The following KCNJ6 variants were observed in gnomAD, a reference collection of about 807,000 sequenced individuals.
KCNJ6 encodes the protein G protein-activated inward rectifier potassium channel 2.
In KCNJ6, 9 loss-of-function variants were observed where a neutral mutation model predicts 34.2. The observed-to-expected ratio is 0.26, with a 90% CI of 0.16 to 0.46. The LOEUF is 0.46. Ranked by LOEUF, KCNJ6 falls within the 20% of genes least tolerant of loss-of-function variation. The probability of loss-of-function intolerance (pLI) is 1.00; values close to 1 mark genes in which losing one functional copy is unlikely to be tolerated. For synonymous variants in KCNJ6, 196 were observed against 207.1 expected, an observed-to-expected ratio of 0.95 and a Z score of 0.46; for missense variants, 236 against 531.3, an observed-to-expected ratio of 0.44 and a Z score of 5.46.
chr21:37,702,145 A>G (rs1399044221), intron 3 of KCNJ6, among the ~76,000 whole-genome samples: 1 of 149,170 alleles, frequency 6.7e-6, no homozygotes, highest in East Asian at 2.0e-4. Flanking sequence ...AGGCAGGAGA[A>G]TCGCTTGAAC....
chr21:37,745,334 C>CT (rs1166265271), intron 2 of KCNJ6, among the ~76,000 whole-genome samples: 1 of 152,114 alleles, frequency 6.6e-6, no homozygotes, highest in African/African-American at 2.4e-5. Context: ...GTTGCCCAGG[C>CT]TGGTCTCAGA....
intron 2 of KCNJ6, among the ~76,000 whole-genome samples, chr21:37,770,731 A>T (rs1335361484): frequency 2.0e-5 from 3 of 152,236 alleles, no homozygotes; most frequent in Non-Finnish European, 2.9e-5. Context: ...GGAAGAAGGT[A>T]GTTACATCAG....
intron 2 of KCNJ6, among the ~76,000 whole-genome samples, chr21:37,807,234 T>C (rs2055297945): frequency 1.3e-5 from 2 of 152,382 alleles, no homozygotes; most frequent in East Asian, 1.9e-4. Context: ...GCAAAAATTA[T>C]TTTCATTAGA....
rs2054661659 is a variant in KCNJ6 at position 37,695,969 on chromosome 21, T to C, written c.946+18242A>G. Among the ~76,000 whole-genome samples, 1 of 152,240 alleles carries C rather than the reference T, an allele frequency of 6.6e-6. No homozygotes were observed. Among genetic ancestry groups the C allele is most frequent in the Admixed American group, 6.5e-5 (1 of 15,288 alleles). On this transcript the variant is annotated intron_variant, in intron 3 of 3. Transcript: ENST00000609713. The surrounding 1 kb of genome is among the most constrained non-coding windows in gnomAD (Gnocchi z 4.2). ...ATCCCACTGGCCAGATCTGGGATAATGTGAGCATCACAAATAATATCAGTA... is the reference window on the plus strand; with the variant it reads ...ATCCCACTGGCCAGATCTGGGATAACGTGAGCATCACAAATAATATCAGTA...
In KCNJ6 at chr21:37,622,002, C is replaced by T. The variant is rs925126314; in HGVS notation, c.*3157G>A. 3.3e-5 allele frequency: 5 copies of T among 152,122 alleles called. No homozygotes were observed. Among genetic ancestry groups the T allele is most frequent in the African/African-American group, 9.7e-5 (4 of 41,410 alleles). 9.4% of individuals were successfully genotyped at this position (152,122 alleles called of 1,614,324 possible). A position where few individuals can be genotyped will look rare whatever the true frequency, so the allele number is the denominator to read the frequency against. ...GTTGGGGTGGGTGGAGGTGAGAATCCGAGGAACTCAGCAGCCTTGTGGTGG... is the reference window on the plus strand; with the variant it reads ...GTTGGGGTGGGTGGAGGTGAGAATCTGAGGAACTCAGCAGCCTTGTGGTGG... On this transcript the variant is annotated 3_prime_UTR_variant, in exon 4 of 4. Coordinates refer to ENST00000609713, the MANE Select transcript of KCNJ6 (RefSeq NM_002240.5).
chr21:37,709,507 C>T (rs576821649), intron 3 of KCNJ6, among the ~76,000 whole-genome samples: 3 of 99,802 alleles, frequency 3.0e-5, no homozygotes, highest in African/African-American at 1.1e-4. Context: ...AGAGCAAAAC[C>T]CTGTCTCAAA....
chr21:37,655,247 G>A (rs1357962587), intron 3 of KCNJ6, among the ~76,000 whole-genome samples: 1,171 of 47,834 alleles, frequency 0.024, 28 homozygotes, highest in African/African-American at 0.092. Flanking sequence ...GAGAGAGAGA[G>A]AGAGAGAGAG....
intron 2 of KCNJ6, among the ~76,000 whole-genome samples, chr21:37,802,621 C>A (rs1164246620): frequency 6.6e-6 from 1 of 152,164 alleles, no homozygotes; most frequent in African/African-American, 2.4e-5. Flanking sequence ...CCAGGAGGAA[C>A]CCATCCAGGC....
intron 3 of KCNJ6, among the ~76,000 whole-genome samples, chr21:37,641,452 T>C (rs1208229872): frequency 6.6e-6 from 1 of 152,070 alleles, no homozygotes; most frequent in Non-Finnish European, 1.5e-5. Flanking sequence ...CTGTGATAAA[T>C]GCAATGAAGT....
intron 3 of KCNJ6, among the ~76,000 whole-genome samples, chr21:37,712,269 T>C (rs2054756895): frequency 6.6e-6 from 1 of 152,088 alleles, no homozygotes; most frequent in South Asian, 2.1e-4. Flanking sequence ...GGGGAATTTA[T>C]GGTGAAAAGG....
At chr21:37,678,302 A>G (rs1184065400) in intron 3 of KCNJ6, among the ~76,000 whole-genome samples, 2 of 152,222 alleles carry the variant, frequency 1.3e-5, no homozygotes, top group Non-Finnish European at 2.9e-5. Flanking sequence ...TTGTAAAAGG[A>G]CTTCAATGAT....
At chr21:37,795,976 AAT>A (rs2055239685) in intron 2 of KCNJ6, among the ~76,000 whole-genome samples, 1 of 152,058 alleles carries the variant, frequency 6.6e-6, no homozygotes, top group South Asian at 2.1e-4. Flanking sequence ...GATGTATTAT[AAT>A]AGAGTCTCAT....
chr21:37,903,723 AAAAAC>A (rs1156734648), intron 1 of KCNJ6, among the ~76,000 whole-genome samples: 1 of 147,478 alleles, frequency 6.8e-6, no homozygotes, highest in Admixed American at 6.8e-5. Flanking sequence ...TCTGGAAATT[AAAAAC>A]AAAACAAAAC....
At chr21:37,862,946 T>C (rs2055602004) in intron 1 of KCNJ6, among the ~76,000 whole-genome samples, 1 of 152,078 alleles carries the variant, frequency 6.6e-6, no homozygotes, top group Non-Finnish European at 1.5e-5. Flanking sequence ...CAGAGACTCT[T>C]AAAAAGGCTA....
chr21:37,911,671 G>GTCCATT (rs1226566919), intron 1 of KCNJ6, among the ~76,000 whole-genome samples: 1 of 151,952 alleles, frequency 6.6e-6, no homozygotes, highest in Admixed American at 6.6e-5. Context: ...CCTATTTCTG[G>GTCCATT]TCCATTTCCA....
intron 2 of KCNJ6, among the ~76,000 whole-genome samples, chr21:37,723,714 A>C (rs1015103184): frequency 2.6e-5 from 4 of 152,196 alleles, no homozygotes; most frequent in African/African-American, 9.7e-5. Context: ...CTAAACACTG[A>C]GGATTAATGG....
At chr21:37,729,470 C>T (rs535540716) in intron 2 of KCNJ6, among the ~76,000 whole-genome samples, 60 of 152,222 alleles carry the variant, frequency 3.9e-4, no homozygotes, top group African/African-American at 1.1e-3. Context: ...ACTATAGGCA[C>T]GGGCCACCAT....
At chr21:37,874,747 C>T (rs1033435102) in intron 1 of KCNJ6, among the ~76,000 whole-genome samples, 1 of 152,134 alleles carries the variant, frequency 6.6e-6, no homozygotes, top group Admixed American at 6.5e-5. Flanking sequence ...CAGGCCTCAA[C>T]CTTAGAGTCA....
intron 3 of KCNJ6, among the ~76,000 whole-genome samples, chr21:37,649,920 A>ATTTTTTTTTTTTTTTTT (rs10597774): frequency 1.5e-4 from 21 of 143,962 alleles, no homozygotes; most frequent in African/African-American, 4.2e-4. Context: ...CACCCAGCTA[A>ATTTTTTTTTTTTTTTTT]TTTTTTTTTT....
Sources: allele counts gnomAD v4.1 joint callset (sites outside exome capture counted in the v4.1 genomes callset), GRCh38; gene constraint gnomAD v4.1.1; non-coding constraint Gnocchi (gnomAD v3.1); transcripts MANE v1.5; gene names NCBI Gene and HGNC (gene_info 2026-07-23, HGNC 2026-07-21).